DGKI: variants seen among roughly 807,000 people sequenced by gnomAD.
DGKI encodes the protein diacylglycerol kinase iota.
In DGKI, 55 loss-of-function variants were observed where a neutral mutation model predicts 147.5. The ratio of observed to expected loss-of-function variants is 0.37; its 90% confidence interval spans 0.30 to 0.47. The LOEUF (loss-of-function observed/expected upper bound fraction) is 0.47, where lower values mean the gene tolerates loss of function less well. DGKI is among the 20% of genes least tolerant of loss of function. The pLI, the probability that DGKI is intolerant of heterozygous loss-of-function variation, is 1.00. For synonymous variants in DGKI, 469 were observed against 477.1 expected, an observed-to-expected ratio of 0.98 and a Z score of 0.22; for missense variants, 1,007 against 1,323.8, an observed-to-expected ratio of 0.76 and a Z score of 3.71.
intron 10 of DGKI, among the ~76,000 whole-genome samples, chr7:137,608,323 C>T (rs1049578319): frequency 1.3e-5 from 2 of 152,158 alleles, no homozygotes; most frequent in African/African-American, 4.8e-5. Context: ...GATGAAGAGA[C>T]AAAGACCAGG....
chr7:137,728,155 T>C (rs1398308190), intron 1 of DGKI, among the ~76,000 whole-genome samples: 1 of 152,214 alleles, frequency 6.6e-6, no homozygotes, highest in Non-Finnish European at 1.5e-5. Flanking sequence ...GTGTTTCTTT[T>C]AAAATGGTAA....
chr7:137,716,224 C>T (rs1302531413), intron 1 of DGKI, among the ~76,000 whole-genome samples: 1 of 152,224 alleles, frequency 6.6e-6, no homozygotes, highest in Non-Finnish European at 1.5e-5. Flanking sequence ...ACGGAACATT[C>T]TTACAACTGT....
chr7:137,400,296 T>C (rs942176461), intron 30 of DGKI, among the ~76,000 whole-genome samples: 2 of 152,138 alleles, frequency 1.3e-5, no homozygotes, highest in Non-Finnish European at 2.9e-5. Context: ...AGAAATTCCA[T>C]GAACATGAGC....
chr7:137,653,181 G>A (rs914244728), intron 5 of DGKI, among the ~76,000 whole-genome samples: 1 of 152,216 alleles, frequency 6.6e-6, no homozygotes, highest in South Asian at 2.1e-4. Flanking sequence ...GCTTGGTTTA[G>A]TCTGGGCTCC....
chr7:137,510,282 T>C (rs1816536344), intron 21 of DGKI, among the ~76,000 whole-genome samples: 1 of 152,256 alleles, frequency 6.6e-6, no homozygotes, highest in South Asian at 2.1e-4. Flanking sequence ...TTCCTAATGT[T>C]GCATGCAATA....
intron 1 of DGKI, among the ~76,000 whole-genome samples, chr7:137,769,467 A>C (rs1796119168): frequency 6.6e-6 from 1 of 152,210 alleles, no homozygotes; most frequent in Non-Finnish European, 1.5e-5. Context: ...AAAAGCCAAA[A>C]TTGACAAATG....
At chr7:137,670,178 A>C (rs1822793126) in intron 3 of DGKI, among the ~76,000 whole-genome samples, 1 of 152,220 alleles carries the variant, frequency 6.6e-6, no homozygotes, top group African/African-American at 2.4e-5. Flanking sequence ...TCCAGAACAC[A>C]ATTTTGGGTC....
intron 23 of DGKI, among the ~76,000 whole-genome samples, chr7:137,469,834 T>C (rs1356572168): frequency 6.6e-6 from 1 of 152,216 alleles, no homozygotes; most frequent in African/African-American, 2.4e-5. Context: ...CATGAGGTTT[T>C]TAATTATTCC....
intron 27 of DGKI, among the ~76,000 whole-genome samples, chr7:137,456,810 G>A (rs1335429009): frequency 2.0e-5 from 3 of 152,116 alleles, no homozygotes; most frequent in Non-Finnish European, 4.4e-5. Flanking sequence ...TTCTTTCAAT[G>A]TCAGTCAAAA....
At chr7:137,578,105 A>G (rs1267365378) in intron 16 of DGKI, among the ~76,000 whole-genome samples, 165 bp downstream of exon 16, 1 of 152,188 alleles carries the variant, frequency 6.6e-6, no homozygotes, top group Non-Finnish European at 1.5e-5. Flanking sequence ...TAAGAAATAC[A>G]CCTCACTTTC....
At chr7:137,618,818 G>A (rs1820640185) in intron 8 of DGKI, among the ~76,000 whole-genome samples, 1 of 151,982 alleles carries the variant, frequency 6.6e-6, no homozygotes, top group Non-Finnish European at 1.5e-5. Context: ...TTTTTAATAT[G>A]TAGACACTAT....
intron 1 of DGKI, among the ~76,000 whole-genome samples, chr7:137,835,245 C>A (rs1798337432): frequency 6.6e-6 from 1 of 152,136 alleles, no homozygotes; most frequent in South Asian, 2.1e-4. Context: ...GCAGTATTTT[C>A]TGGAGACTTC....
chr7:137,537,191 G>C (rs1817548744), intron 20 of DGKI, among the ~76,000 whole-genome samples: 1 of 152,144 alleles, frequency 6.6e-6, no homozygotes, highest in Non-Finnish European at 1.5e-5. Context: ...GGAGCCAAGG[G>C]AGAGAGAGGA....
chr7:137,535,570 T>A (rs964204413), intron 20 of DGKI, among the ~76,000 whole-genome samples: 1 of 151,918 alleles, frequency 6.6e-6, no homozygotes, highest in African/African-American at 2.4e-5. Context: ...CTGCAAGAGC[T>A]CCCTTATTCC....
At position 137,587,061 on chromosome 7, in the gene DGKI, T is replaced by C. The variant is rs746930923; in HGVS notation, c.1425+36A>G. 5 of 1,448,334 alleles carry C rather than the reference T, an allele frequency of 3.5e-6. No homozygotes were observed. In the Admixed American group the frequency reaches 7.0e-5, roughly 20 times the overall value. 89.7% of individuals were successfully genotyped at this position (1,448,334 alleles called of 1,614,324 possible). ...GTGGATCTGGAATCCGGTTTGTTGT[T>C]TGATGATATGGGCAGTCCCCGAGAG... On this transcript the variant is annotated intron_variant, in intron 13 of 32. Transcript: ENST00000614521.
At chr7:137,734,418 A>T (rs1413955148) in intron 1 of DGKI, among the ~76,000 whole-genome samples, 1 of 151,988 alleles carries the variant, frequency 6.6e-6, no homozygotes, top group East Asian at 1.9e-4. Flanking sequence ...GGAATCTAGG[A>T]GTGGCTGGTG....
chr7:137,659,512 G>A (rs1008354247), intron 3 of DGKI, among the ~76,000 whole-genome samples: 3 of 152,122 alleles, frequency 2.0e-5, no homozygotes, highest in African/African-American at 7.2e-5. Context: ...TATACACAAA[G>A]GTAAGATGCA....
chr7:137,669,540 C>A (rs544460134), intron 3 of DGKI, among the ~76,000 whole-genome samples: 1 of 152,260 alleles, frequency 6.6e-6, no homozygotes, highest in African/African-American at 2.4e-5. Context: ...GTAACAGGAC[C>A]ATACAATATC....
chr7:137,428,834 C>A (rs140495238), intron 28 of DGKI, among the ~76,000 whole-genome samples: 5 of 151,658 alleles, frequency 3.3e-5, no homozygotes, highest in Admixed American at 2.0e-4. Context: ...ACCTAGGAAT[C>A]CAACTTACAA....
Sources: allele counts gnomAD v4.1 joint callset (sites outside exome capture counted in the v4.1 genomes callset), GRCh38; gene constraint gnomAD v4.1.1; transcripts MANE v1.5; gene names NCBI Gene and HGNC (gene_info 2026-07-23, HGNC 2026-07-21).